The following TRAPPC9 variants were observed in gnomAD, a reference collection of about 807,000 sequenced individuals.
TRAPPC9 encodes the protein trafficking protein particle complex subunit 9.
TRAPPC9 carries 83 observed loss-of-function variants against 124.0 expected under a neutral mutation model. The ratio of observed to expected loss-of-function variants is 0.67; its 90% CI spans 0.56 to 0.80. The LOEUF (loss-of-function observed/expected upper bound fraction) is 0.80. Among genes scored for constraint, TRAPPC9 ranks in the 30% least tolerant of loss-of-function variants. TRAPPC9 has a pLI of 0.00. For synonymous variants in TRAPPC9, 638 were observed against 617.5 expected, an observed-to-expected ratio of 1.03 and a Z score of -0.49; for missense variants, 1,302 against 1,508.3, an observed-to-expected ratio of 0.86 and a Z score of 2.27.
chr8:140,396,138 CT>C (rs59266343), intron 7 of TRAPPC9, among the ~76,000 whole-genome samples: 29,343 of 82,788 alleles, frequency 0.35, 3,489 homozygotes, highest in African/African-American at 0.5. Flanking sequence ...AAGACCTTGC[CT>C]TTTTTTTTTT....
intron 20 of TRAPPC9, 72 bp downstream of exon 20, chr8:139,910,075 C>A: frequency 6.5e-7 from 1 of 1,544,340 alleles, no homozygotes; most frequent in Non-Finnish European, 8.9e-7. Context: ...AAGACCCTCA[C>A]GGGTCTTTCT....
At chr8:140,395,022 G>T (rs888868570) in intron 7 of TRAPPC9, among the ~76,000 whole-genome samples, 1 of 152,134 alleles carries the variant, frequency 6.6e-6, no homozygotes, top group Non-Finnish European at 1.5e-5. Flanking sequence ...CGGCATCACT[G>T]GGGAGAACAC....
At chr8:140,020,396 C>T (rs1839764223) in intron 18 of TRAPPC9, among the ~76,000 whole-genome samples, 1 of 152,092 alleles carries the variant, frequency 6.6e-6, no homozygotes, top group African/African-American at 2.4e-5. Flanking sequence ...GAGGTTGAAG[C>T]AGGAGGATTG....
chr8:139,917,871 A>G (rs907880605), intron 19 of TRAPPC9, among the ~76,000 whole-genome samples: 6 of 152,206 alleles, frequency 3.9e-5, no homozygotes, highest in Non-Finnish European at 7.3e-5. Context: ...GCTTGGAGAT[A>G]ATACTGCTCG....
intron 19 of TRAPPC9, among the ~76,000 whole-genome samples, chr8:139,952,333 T>A (rs181042283): frequency 2.6e-5 from 4 of 152,232 alleles, no homozygotes; most frequent in African/African-American, 9.6e-5. Context: ...AGAAGAAGGG[T>A]CAGGCTGAGT....
intron 17 of TRAPPC9, among the ~76,000 whole-genome samples, chr8:140,219,933 G>C (rs766675936): frequency 6.6e-6 from 1 of 152,182 alleles, no homozygotes; most frequent in Non-Finnish European, 1.5e-5. Context: ...GATCCATCGG[G>C]GAATGGTGGA....
chr8:140,110,890 C>T (rs1329413395), intron 17 of TRAPPC9, among the ~76,000 whole-genome samples: 1 of 11,894 alleles, frequency 8.4e-5, no homozygotes, highest in Non-Finnish European at 1.7e-4. Context: ...CCCCATACTC[C>T]CCCTGCAGCA....
chr8:139,785,537 A>AACACACAC (rs57202244), intron 21 of TRAPPC9, among the ~76,000 whole-genome samples: 226 of 138,296 alleles, frequency 1.6e-3, no homozygotes, highest in Non-Finnish European at 2.0e-3. Flanking sequence ...ATCTCTACTA[A>AACACACAC]ACACACACAC....
At chr8:140,343,064 T>C (rs2067238911) in intron 9 of TRAPPC9, among the ~76,000 whole-genome samples, 1 of 152,240 alleles carries the variant, frequency 6.6e-6, no homozygotes, top group Non-Finnish European at 1.5e-5. Flanking sequence ...TAACACATTA[T>C]TGTTTTAATA....
intron 8 of TRAPPC9, among the ~76,000 whole-genome samples, chr8:140,369,702 A>G (rs2068222928): frequency 6.6e-6 from 1 of 152,214 alleles, no homozygotes; most frequent in South Asian, 2.1e-4. Context: ...CTGTAATCCC[A>G]GCACTTTGGG....
chr8:139,784,538 C>A (rs1464362615), intron 21 of TRAPPC9, among the ~76,000 whole-genome samples: 1 of 149,582 alleles, frequency 6.7e-6, no homozygotes, highest in Non-Finnish European at 1.5e-5. Context: ...CGCGCCATTG[C>A]ACTCCAGCCT....
At chr8:139,901,002 A>AAATAAATAACTAAAT (rs57260430) in intron 20 of TRAPPC9, among the ~76,000 whole-genome samples, 15 of 124,452 alleles carry the variant, frequency 1.2e-4, no homozygotes, top group Admixed American at 2.4e-4. Context: ...ATAAATAAAT[A>AAATAAATAACTAAAT]AAATAAATAA....
chr8:140,053,451 T>C (rs1450660935), intron 17 of TRAPPC9, among the ~76,000 whole-genome samples: 1 of 152,236 alleles, frequency 6.6e-6, no homozygotes, highest in African/African-American at 2.4e-5. Flanking sequence ...TCTTTTTAAA[T>C]TTGGTAAGAC....
At chr8:139,813,875 G>A (rs60979054) in intron 21 of TRAPPC9, among the ~76,000 whole-genome samples, 7 of 151,462 alleles carry the variant, frequency 4.6e-5, no homozygotes, top group African/African-American at 1.2e-4. Context: ...GTGAGGTGAC[G>A]GTGCCGGGGC....
chr8:139,997,473 A>T (rs1272065542), intron 18 of TRAPPC9, among the ~76,000 whole-genome samples: 1 of 78,014 alleles, frequency 1.3e-5, no homozygotes, highest in African/African-American at 2.9e-5. Context: ...TATCCCACAC[A>T]GGGGAGACAA....
intron 21 of TRAPPC9, among the ~76,000 whole-genome samples, chr8:139,863,556 G>A (rs145333178): frequency 6.6e-6 from 1 of 152,354 alleles, no homozygotes; most frequent in East Asian, 1.9e-4. Context: ...CTTGCGGGGT[G>A]AGGCCCTTTC....
At chr8:140,316,048 G>A (rs938950543) in intron 9 of TRAPPC9, among the ~76,000 whole-genome samples, 5 of 152,100 alleles carry the variant, frequency 3.3e-5, no homozygotes, top group African/African-American at 1.2e-4. Context: ...ATTGTTGTCT[G>A]TTTTGGTCTT....
At chr8:140,013,813 G>T (rs1371887352) in intron 18 of TRAPPC9, among the ~76,000 whole-genome samples, 1 of 152,146 alleles carries the variant, frequency 6.6e-6, no homozygotes, top group East Asian at 1.9e-4. Flanking sequence ...ATAACACACA[G>T]TTTTACAACC....
intron 9 of TRAPPC9, among the ~76,000 whole-genome samples, chr8:140,346,882 C>T (rs960757279): frequency 1.3e-5 from 2 of 152,248 alleles, no homozygotes; most frequent in Non-Finnish European, 2.9e-5. Flanking sequence ...AAATTAAAAT[C>T]GTCACCACTG....
Sources: allele counts gnomAD v4.1 joint callset (sites outside exome capture counted in the v4.1 genomes callset), GRCh38; gene constraint gnomAD v4.1.1; transcripts MANE v1.5; gene names NCBI Gene and HGNC (gene_info 2026-07-23, HGNC 2026-07-21).